Variants in ADAMTSL1 observed in about 807,000 individuals in gnomAD.
ADAMTSL1 encodes ADAMTS like 1.
A neutral mutation model predicts 201.8 loss-of-function variants in ADAMTSL1; 126 were observed. The observed-to-expected ratio is 0.62, with a 90% confidence interval of 0.54 to 0.72. The LOEUF (loss-of-function observed/expected upper bound fraction) is 0.72. Among genes scored for constraint, ADAMTSL1 ranks in the 30% least tolerant of loss-of-function variants. The probability of loss-of-function intolerance (pLI) is 0.00; values close to 1 mark genes in which losing one functional copy is unlikely to be tolerated. For synonymous variants in ADAMTSL1, 1,121 were observed against 903.4 expected, an observed-to-expected ratio of 1.24 and a Z score of -4.32; for missense variants, 2,679 against 2,277.8, an observed-to-expected ratio of 1.18 and a Z score of -3.59.
rs754167556 is a variant in ADAMTSL1, at chr9:18,817,171, G to T, written c.3868G>T (p.Val1290Phe). 3.1e-6 allele frequency: 5 copies of T among 1,589,022 alleles called. No homozygotes were observed. Among genetic ancestry groups the T allele is most frequent in the Non-Finnish European group, 4.3e-6 (5 of 1,167,056 alleles). ...CAACACGGAGAAGCCTGCAGTCACA[G>T]TCGATATAGGAAGCACCATCAAAAC... Reference protein sequence around the residue: ...VINTEKPAVTVDIGSTIKTVQ... With the variant: ...VINTEKPAVTFDIGSTIKTVQ... Residue 1290 changes from valine to phenylalanine, a missense_variant, in exon 21 of 29, where the codon GTC becomes TTC. Physicochemically the swap from Val to Phe is conservative, Grantham distance 50. Transcript: ENST00000380548.
intron 1 of ADAMTSL1, among the ~76,000 whole-genome samples, chr9:17,956,222 G>T (rs2840777): frequency 0.81 from 123,063 of 152,086 alleles, 50,286 homozygotes; most frequent in East Asian, 0.93. Context: ...GAGGTCTTCT[G>T]TGGTAAATGC....
intron 4 of ADAMTSL1, among the ~76,000 whole-genome samples, chr9:18,616,057 G>A (rs897431747): frequency 6.6e-6 from 1 of 151,862 alleles, no homozygotes; most frequent in African/African-American, 2.4e-5. Flanking sequence ...ACAAAGTCTC[G>A]TTCTGTTGCC....
At chr9:18,153,751 C>G (rs1827025073) in intron 1 of ADAMTSL1, among the ~76,000 whole-genome samples, 1 of 151,994 alleles carries the variant, frequency 6.6e-6, no homozygotes, top group Non-Finnish European at 1.5e-5. Flanking sequence ...CATTTCACAG[C>G]TACCAAAACA....
chr9:17,933,666 A>G (rs1194912533), intron 1 of ADAMTSL1, among the ~76,000 whole-genome samples: 1 of 152,164 alleles, frequency 6.6e-6, no homozygotes, highest in African/African-American at 2.4e-5. Context: ...AATCATGGCA[A>G]AAGTCGAAGA....
At chr9:18,525,234 T>A (rs1377159903) in intron 2 of ADAMTSL1, among the ~76,000 whole-genome samples, 1 of 152,180 alleles carries the variant, frequency 6.6e-6, no homozygotes, top group African/African-American at 2.4e-5. Context: ...TGCATAGAGG[T>A]GTTTATAGTA....
chr9:18,763,755 T>C (rs1200773312), intron 16 of ADAMTSL1, among the ~76,000 whole-genome samples: 1 of 152,200 alleles, frequency 6.6e-6, no homozygotes, highest in Non-Finnish European at 1.5e-5. Flanking sequence ...TTTTCCCCAG[T>C]GTATGTTCTT....
In ADAMTSL1 at chr9:18,700,880, A is replaced by T. The variant is rs930805314; in HGVS notation, c.1575-5867A>T. 3.3e-5 allele frequency among the ~76,000 whole-genome samples: 5 copies of T among 152,328 alleles called. No homozygotes were observed. In the East Asian group the frequency reaches 5.8e-4, roughly 18 times the overall value. ...AATATAAAATGAACATCTGACAAAG[A>T]TTTAACCTACCTCATTAACCAATGA... On this transcript the variant is annotated intron_variant, in intron 13 of 28. Coordinates refer to ENST00000380548, the MANE Select transcript of ADAMTSL1 (RefSeq NM_001040272.6).
At chr9:18,535,980 T>C (rs1215341937) in intron 3 of ADAMTSL1, among the ~76,000 whole-genome samples, 2 of 152,154 alleles carry the variant, frequency 1.3e-5, no homozygotes, top group Non-Finnish European at 2.9e-5. Context: ...CTCATATTAC[T>C]TAAAATCCAT....
chr9:18,146,919 C>G (rs1017852785), intron 1 of ADAMTSL1, among the ~76,000 whole-genome samples: 2 of 152,112 alleles, frequency 1.3e-5, no homozygotes, highest in South Asian at 2.1e-4. Context: ...CAAATTCATT[C>G]TGTCCCACAT....
intron 2 of ADAMTSL1, among the ~76,000 whole-genome samples, chr9:18,521,945 G>A (rs1818723408): frequency 6.6e-6 from 1 of 152,134 alleles, no homozygotes. Context: ...CATCTCTTAT[G>A]CACAGACTCC....
intron 2 of ADAMTSL1, among the ~76,000 whole-genome samples, chr9:18,384,360 A>C (rs908518885): frequency 1.3e-5 from 2 of 152,150 alleles, no homozygotes; most frequent in African/African-American, 4.8e-5. Context: ...CCGTGATTCA[A>C]TCACCTCTCA....
chr9:18,185,882 T>G (rs1828710222), intron 2 of ADAMTSL1, among the ~76,000 whole-genome samples: 1 of 152,144 alleles, frequency 6.6e-6, no homozygotes, highest in South Asian at 2.1e-4. Context: ...CAATTATTGA[T>G]GTGGCGTTGG....
chr9:17,981,984 A>G (rs1818725141), intron 1 of ADAMTSL1, among the ~76,000 whole-genome samples: 1 of 152,180 alleles, frequency 6.6e-6, no homozygotes, highest in African/African-American at 2.4e-5. Context: ...GGTATTGATA[A>G]ATGCCTTTGG....
intron 4 of ADAMTSL1, among the ~76,000 whole-genome samples, chr9:18,616,597 A>G (rs1825715933): frequency 6.6e-6 from 1 of 152,294 alleles, no homozygotes; most frequent in African/African-American, 2.4e-5. Context: ...TTTCTAAAAG[A>G]TCCAGTAGAT....
At position 18,254,345 on chromosome 9, in the gene ADAMTSL1, G is replaced by GTTTTTTTT. The variant is rs59026505; in HGVS notation, c.207+90392_207+90399dup. On this transcript the variant is annotated intron_variant, in intron 2 of 29. Transcript: ENST00000680146. ...GGAACTACCGTCAATACTCTTTTTG[G>GTTTTTTTT]TTTTTTTTTTTTTTTTTTTTTTTTT... Among the ~76,000 whole-genome samples the GTTTTTTTT allele has an allele frequency of 2.6e-3, 127 of 49,370 alleles. 23 individuals are homozygous for GTTTTTTTT. The highest frequency in any genetic ancestry group is 3.5e-3 in the Non-Finnish European group (100 of 28,710). 32.4% of individuals were successfully genotyped at this position (49,370 alleles called of 152,430 possible). A position where few individuals can be genotyped will look rare whatever the true frequency, so the allele number is the denominator to read the frequency against.
intron 1 of ADAMTSL1, among the ~76,000 whole-genome samples, chr9:18,023,593 A>G (rs908193697): frequency 7.9e-5 from 12 of 152,282 alleles, no homozygotes; most frequent in African/African-American, 2.9e-4. Flanking sequence ...GGAGCAGAGT[A>G]GCTGCTGGCT....
At chr9:18,246,878 A>G (rs1224919825) in intron 2 of ADAMTSL1, among the ~76,000 whole-genome samples, 5 of 152,174 alleles carry the variant, frequency 3.3e-5, no homozygotes, top group African/African-American at 4.8e-5. Flanking sequence ...TAATAAATAT[A>G]TGGTGTGGAG....
intron 26 of ADAMTSL1, among the ~76,000 whole-genome samples, chr9:18,899,072 T>C (rs2131594585): frequency 6.6e-6 from 1 of 152,344 alleles, no homozygotes; most frequent in Middle Eastern, 3.4e-3. Flanking sequence ...CAAAAGTTTC[T>C]TAAGCTGATA....
chr9:18,529,070 G>T (rs189942344), intron 2 of ADAMTSL1, among the ~76,000 whole-genome samples: 1 of 152,254 alleles, frequency 6.6e-6, no homozygotes, highest in Admixed American at 6.5e-5. Flanking sequence ...TTCACACTTG[G>T]CAGGAATTAA....
Sources: allele counts gnomAD v4.1 joint callset (sites outside exome capture counted in the v4.1 genomes callset), GRCh38; gene constraint gnomAD v4.1.1; transcripts MANE v1.5; gene names NCBI Gene and HGNC (gene_info 2026-07-23, HGNC 2026-07-21).